Variants in UBR3 observed in about 807,000 individuals in gnomAD.
UBR3 encodes ubiquitin protein ligase E3 component n-recognin 3.
In UBR3, 85 loss-of-function variants were observed where a neutral mutation model predicts 243.2. The observed-to-expected ratio is 0.35, with a 90% CI of 0.29 to 0.42. The LOEUF (loss-of-function observed/expected upper bound fraction) is 0.42, where lower values mean the gene tolerates loss of function less well. UBR3 is among the 10% of genes least tolerant of loss of function. UBR3 has a pLI of 1.00. For synonymous variants in UBR3, 748 were observed against 799.8 expected (o/e 0.94, Z 1.09); for missense variants, 1,686 against 2,300.8 (o/e 0.73, Z 5.47).
intron 25 of UBR3, among the ~76,000 whole-genome samples, chr2:169,987,623 G>C (rs1046641754): frequency 3.3e-5 from 5 of 151,692 alleles, no homozygotes; most frequent in Non-Finnish European, 7.4e-5. Flanking sequence ...GGATTTGTCT[G>C]AATGGTGTCC....
intron 35 of UBR3, among the ~76,000 whole-genome samples, chr2:170,067,839 A>T (rs1388974272): frequency 1.3e-5 from 2 of 148,816 alleles, no homozygotes; most frequent in Admixed American, 1.4e-4. Context: ...GTGTGATCTC[A>T]GCTGACTGCA....
intron 5 of UBR3, among the ~76,000 whole-genome samples, chr2:169,882,319 A>T (rs1306581084): frequency 1.4e-5 from 2 of 140,972 alleles, no homozygotes; most frequent in Admixed American, 7.4e-5. Context: ...ATATATTTAT[A>T]TATTATATAT....
intron 10 of UBR3, among the ~76,000 whole-genome samples, chr2:169,907,952 A>G (rs188001340): frequency 1.7e-4 from 26 of 152,066 alleles, no homozygotes; most frequent in African/African-American, 5.8e-4. Flanking sequence ...TTGTATTTTT[A>G]GTAAAGACAA....
chr2:169,989,670 G>C (rs1348849482), intron 25 of UBR3, among the ~76,000 whole-genome samples: 1 of 152,130 alleles, frequency 6.6e-6, no homozygotes, highest in Non-Finnish European at 1.5e-5. Flanking sequence ...AGGAAAGGCA[G>C]GGTAGACATA....
At chr2:169,966,723 A>G (rs563500826) in intron 24 of UBR3, among the ~76,000 whole-genome samples, 1 of 152,280 alleles carries the variant, frequency 6.6e-6, no homozygotes, top group South Asian at 2.1e-4. Flanking sequence ...GAATTTTTAT[A>G]CTACCTCATA....
intron 36 of UBR3, among the ~76,000 whole-genome samples, chr2:170,079,060 T>C (rs1053183792): frequency 7.9e-5 from 12 of 152,230 alleles, no homozygotes; most frequent in African/African-American, 2.9e-4. Flanking sequence ...TTAAATTGAC[T>C]ATTACTTACA....
chr2:169,877,772 A>C (rs1290331387), intron 4 of UBR3, 135 bp downstream of exon 4: 1 of 899,064 alleles, frequency 1.1e-6, no homozygotes, highest in Non-Finnish European at 1.6e-6. Flanking sequence ...AAAAGTAATA[A>C]AAGTAGTAAA....
intron 32 of UBR3, among the ~76,000 whole-genome samples, chr2:170,050,333 G>A (rs773854781): frequency 6.6e-6 from 1 of 151,996 alleles, no homozygotes; most frequent in Non-Finnish European, 1.5e-5. Flanking sequence ...ATCTGCATGT[G>A]GTATATGCAA....
intron 20 of UBR3, among the ~76,000 whole-genome samples, chr2:169,945,071 T>G (rs938673970): frequency 1.3e-5 from 2 of 152,130 alleles, no homozygotes; most frequent in African/African-American, 4.8e-5. Context: ...ACAAAGCAAA[T>G]GACAGATATT....
At position 169,896,683 on chromosome 2, in the gene UBR3, C is replaced by T; in HGVS notation, c.1413C>T (p.Val471=). The part of the protein sequence containing the change: ...TEECQLLDIM[V]TVLLYMMESC... ...AATGTCAGCTGCTGGATATTATGGT[C>T]ACTGTGCTATTATACATGATGGAAA... The change falls in exon 8 of 39, where the codon GTC becomes GTT. Residue 471 remains valine, a synonymous_variant. Coordinates refer to ENST00000272793, the MANE Select transcript of UBR3 (RefSeq NM_172070.4). 1 of 1,551,098 alleles carries T rather than the reference C, an allele frequency of 6.4e-7. No individual in the cohort carries two copies. The highest frequency in any genetic ancestry group is 8.7e-7 in the Non-Finnish European group (1 of 1,146,708).
At chr2:169,924,022 C>CTTTTT in intron 12 of UBR3, 28 bp downstream of exon 12, 1 of 1,354,374 alleles carries the variant, frequency 7.4e-7, no homozygotes, top group Non-Finnish European at 9.9e-7. Context: ...CAATTCTGTT[C>CTTTTT]TTTTTTTTTT....
Position 170,005,180 on chromosome 2 carries a change from C to T in UBR3, c.4030-1810C>T, listed in dbSNP as rs574916227. ...CGGAGTTTGCAGTCAGCTGAGATCGCGCCACTGCACTCCAGTCTGGGCAAT... is the reference window on the plus strand; with the variant it reads ...CGGAGTTTGCAGTCAGCTGAGATCGTGCCACTGCACTCCAGTCTGGGCAAT... On this transcript the variant is annotated intron_variant, in intron 27 of 38. Transcript: ENST00000272793. Among the ~76,000 whole-genome samples, 34 of 152,228 alleles carry T rather than the reference C, an allele frequency of 2.2e-4. No individual in the cohort carries two copies. In the South Asian group the frequency reaches 6.2e-3, roughly 28 times the overall value.
chr2:169,897,200 CT>C (rs967113090), intron 8 of UBR3, among the ~76,000 whole-genome samples: 8 of 151,986 alleles, frequency 5.3e-5, no homozygotes, highest in Non-Finnish European at 8.8e-5. Context: ...CATGTTTCTG[CT>C]TTTTTATCAT....
chr2:169,963,387 C>T (rs977059669), intron 24 of UBR3, among the ~76,000 whole-genome samples: 1 of 152,170 alleles, frequency 6.6e-6, no homozygotes, highest in Non-Finnish European at 1.5e-5. Context: ...CATCATGTCT[C>T]TTTCTCCTCC....
At chr2:169,895,670 TG>T (rs2084556173) in intron 7 of UBR3, among the ~76,000 whole-genome samples, 1 of 152,180 alleles carries the variant, frequency 6.6e-6, no homozygotes, top group African/African-American at 2.4e-5. Context: ...GAATGTTTAA[TG>T]GGGGCAATTG....
intron 29 of UBR3, among the ~76,000 whole-genome samples, chr2:170,009,541 G>A (rs763803382): frequency 1.3e-5 from 2 of 152,066 alleles, no homozygotes; most frequent in Non-Finnish European, 2.9e-5. Context: ...CAATACAGAA[G>A]CAGTAGTTCT....
intron 18 of UBR3, among the ~76,000 whole-genome samples, chr2:169,929,784 C>T (rs1419990327): frequency 6.6e-6 from 1 of 152,160 alleles, no homozygotes; most frequent in Non-Finnish European, 1.5e-5. Flanking sequence ...CATATTTTCA[C>T]TTCTCTAAGT....
chr2:169,860,237 A>G (rs1295344797), intron 1 of UBR3, among the ~76,000 whole-genome samples: 1 of 152,134 alleles, frequency 6.6e-6, no homozygotes, highest in African/African-American at 2.4e-5. Flanking sequence ...ATGCCTAGAA[A>G]ACATTGATTG....
intron 2 of UBR3, among the ~76,000 whole-genome samples, chr2:169,873,067 T>C (rs924029029): frequency 3.3e-5 from 5 of 152,114 alleles, no homozygotes; most frequent in African/African-American, 9.7e-5. Context: ...CTTTTTATGA[T>C]GTTTTTTACC....
Sources: gnomAD v4.1 joint callset for allele counts (sites outside exome capture counted in the v4.1 genomes callset) on GRCh38, gnomAD v4.1.1 for gene constraint, MANE v1.5 for transcripts, NCBI Gene and HGNC (gene_info 2026-07-23, HGNC 2026-07-21) for gene names.